Variants in FHDC1 observed in about 807,000 individuals in gnomAD.
FHDC1 encodes FH2 domain containing 1, also known as FH2 domain-containing protein 1.
A neutral mutation model predicts 52.6 loss-of-function variants in FHDC1; 25 were observed. The observed-to-expected ratio is 0.48, with a 90% CI of 0.35 to 0.66. FHDC1 has a LOEUF of 0.66. Ranked by LOEUF, FHDC1 falls within the 30% of genes least tolerant of loss-of-function variation. The pLI is 0.01. For synonymous variants in FHDC1, 616 were observed against 581.5 expected, an observed-to-expected ratio of 1.06 and a Z score of -0.85; for missense variants, 1,459 against 1,452.8, an observed-to-expected ratio of 1.00 and a Z score of -0.07.
the FHDC1 span, among the ~76,000 whole-genome samples, chr4:152,913,753 A>G: frequency 6.6e-6 from 1 of 152,098 alleles, no homozygotes; most frequent in Non-Finnish European, 1.5e-5. Flanking sequence ...ATCTTGGCTC[A>G]CTGCAACCTC....
At chr4:152,967,300 G>T (rs963376267) in intron 9 of FHDC1, among the ~76,000 whole-genome samples, 3 of 152,078 alleles carry the variant, frequency 2.0e-5, no homozygotes, top group Non-Finnish European at 4.4e-5. Flanking sequence ...GATGGCACAT[G>T]CCTATAATCC....
At chr4:152,934,425 A>C (rs1484407149), upstream of FHDC1, among the ~76,000 whole-genome samples, 2 of 152,198 alleles carry the variant, frequency 1.3e-5, no homozygotes, top group Non-Finnish European at 2.9e-5. Context: ...AGAGTCCCTG[A>C]CATTGAAGAG....
At chr4:152,930,023 G>T in the FHDC1 span, among the ~76,000 whole-genome samples, 1 of 152,194 alleles carries the variant, frequency 6.6e-6, no homozygotes, top group African/African-American at 2.4e-5. Context: ...CCTATGCTTA[G>T]CTGTGTGCTT....
chr4:152,928,164 T>C, the FHDC1 span: 2 of 816,774 alleles, frequency 2.4e-6, no homozygotes. Flanking sequence ...ACCGGAAAGA[T>C]TGTCTCCTTT....
rs1001093971 is a variant in FHDC1, at chr4:152,962,748, A to G, written c.851-66A>G. ...AGATACACTTGAACTTGGATGTGGTAGCTGTCTTTTGTGCATTTGAAACTG... is the reference window on the plus strand; with the variant it reads ...AGATACACTTGAACTTGGATGTGGTGGCTGTCTTTTGTGCATTTGAAACTG... On this transcript the variant is annotated intron_variant, in intron 6 of 11. Coordinates refer to ENST00000511601, the MANE Select transcript of FHDC1 (RefSeq NM_001371116.1). 7.5e-5 allele frequency: 98 copies of G among 1,306,644 alleles called. 1 individual carries two copies. In the South Asian group the frequency reaches 9.0e-4, roughly 12 times the overall value. 80.9% of individuals were successfully genotyped at this position (1,306,644 alleles called of 1,614,324 possible).
chr4:152,930,997 A>ACACACACACACACTCT, the FHDC1 span, among the ~76,000 whole-genome samples: 5 of 113,146 alleles, frequency 4.4e-5, no homozygotes, highest in African/African-American at 1.7e-4. Context: ...ACACACACAC[A>ACACACACACACACTCT]CTCTCTCTCT....
At chr4:152,969,967 AT>A (rs1232500416) in intron 10 of FHDC1, among the ~76,000 whole-genome samples, 6 of 152,178 alleles carry the variant, frequency 3.9e-5, no homozygotes, top group African/African-American at 1.4e-4. Flanking sequence ...CAACCCAGTC[AT>A]TTTTATCTCT....
At chr4:152,953,704 G>A in intron 3 of FHDC1, 144 bp downstream of exon 3, 6 of 714,780 alleles carry the variant, frequency 8.4e-6, no homozygotes, top group Non-Finnish European at 1.4e-5. Context: ...GCAAGTGACT[G>A]TCACTTTCTG....
At chr4:152,954,753 A>C (rs1445678538) in intron 4 of FHDC1, among the ~76,000 whole-genome samples, 4 of 152,192 alleles carry the variant, frequency 2.6e-5, no homozygotes, top group Admixed American at 2.6e-4. Flanking sequence ...TCCTACCCAG[A>C]GCCAGAGTTT....
chr4:152,975,476 A>G lies in FHDC1; in HGVS notation c.2185A>G (p.Arg729Gly). The stretch of plus-strand genomic sequence containing the variant: ...CAGCAGCAGCCTGACACCCATGGGC[A>G]GAGATGCCCTGGGGAGTCTCAGCCC... ...ASSSSLTPMG[R>G]DALGSLSPAL... Residue 729 changes from arginine to glycine, a missense_variant, in exon 12 of 12, where the codon AGA becomes GGA. Arg to Gly is a moderately radical substitution (Grantham distance 125, BLOSUM62 -2). Around this residue, in one of 3 missense-constraint regions of FHDC1, gnomAD observed 939 missense variants for 854.5 expected, o/e 1.10. Coordinates refer to ENST00000511601, the MANE Select transcript of FHDC1 (RefSeq NM_001371116.1). 6.2e-7 allele frequency: 1 copy of G among 1,613,368 alleles called. No homozygotes were observed. Among genetic ancestry groups the G allele is most frequent in the Non-Finnish European group, 8.5e-7 (1 of 1,179,972 alleles).
intron 2 of FHDC1, among the ~76,000 whole-genome samples, chr4:152,944,850 C>T (rs1450664571): frequency 6.6e-6 from 1 of 152,218 alleles, no homozygotes; most frequent in Non-Finnish European, 1.5e-5. Context: ...AGTATCCTTT[C>T]AATATTGGAA....
chr4:152,942,833 A>G (rs1260611239), intron 1 of FHDC1, 95 bp from the exon 2 acceptor site: 2 of 470,510 alleles, frequency 4.3e-6, no homozygotes, highest in African/African-American at 4.0e-5. Context: ...TTCATATCCA[A>G]CTCATATGGG....
At chr4:152,974,217 A>G (rs1416849484) in intron 11 of FHDC1, among the ~76,000 whole-genome samples, 1 of 152,220 alleles carries the variant, frequency 6.6e-6, no homozygotes, top group Non-Finnish European at 1.5e-5. Flanking sequence ...AAATACCCAC[A>G]GTATTTTTCT....
At chr4:152,955,675 A>G (rs2149947652) in intron 4 of FHDC1, among the ~76,000 whole-genome samples, 1 of 152,218 alleles carries the variant, frequency 6.6e-6, no homozygotes, top group South Asian at 2.1e-4. Context: ...ATGGGATTTC[A>G]CCATGTTGTT....
intron 6 of FHDC1, 65 bp from the exon 7 acceptor site, chr4:152,962,749 G>A: frequency 7.6e-7 from 1 of 1,320,706 alleles, no homozygotes; most frequent in Non-Finnish European, 1.1e-6. Context: ...GGATGTGGTA[G>A]CTGTCTTTTG....
At chr4:152,954,545 G>A (rs941044779) in intron 4 of FHDC1, among the ~76,000 whole-genome samples, 7 of 152,074 alleles carry the variant, frequency 4.6e-5, no homozygotes, top group South Asian at 2.1e-4. Flanking sequence ...AAATTAGCCC[G>A]GTGTGGTGGC....
chr4:152,949,109 T>TAAGAAGAAG (rs1478019320), intron 2 of FHDC1, among the ~76,000 whole-genome samples: 23 of 75,060 alleles, frequency 3.1e-4, no homozygotes, highest in East Asian at 2.5e-3. Context: ...ATAATAATAA[T>TAAGAAGAAG]AATAATAATA....
Position 152,963,131 on chromosome 4 carries a change from G to C in FHDC1, c.1029+1G>C. 1 of 1,613,220 alleles carries C rather than the reference G, an allele frequency of 6.2e-7. No homozygotes were observed. Among genetic ancestry groups the C allele is most frequent in the Non-Finnish European group, 8.5e-7 (1 of 1,179,464 alleles). ...GAATCTCCTGCACTTTGTTGCACAG[G>C]TATGTGGAAATGATTAGGACTTAGA... is the stretch of plus-strand genomic sequence containing the variant. On this transcript the variant is annotated splice_donor_variant, in intron 8 of 11. Transcript: ENST00000511601. LOFTEE classifies it high-confidence loss of function.
At chr4:152,961,223 C>G (rs899808464) in intron 6 of FHDC1, among the ~76,000 whole-genome samples, 1 of 84,288 alleles carries the variant, frequency 1.2e-5, no homozygotes, top group Non-Finnish European at 2.5e-5. Flanking sequence ...GCCCAGCTGC[C>G]TCTCTCCTCC....
Sources: gnomAD v4.1 joint callset for allele counts (sites outside exome capture counted in the v4.1 genomes callset) on GRCh38, gnomAD v4.1.1 for gene constraint, gnomAD v4.1.1 regional missense constraint, MANE v1.5 for transcripts, NCBI Gene and HGNC (gene_info 2026-07-23, HGNC 2026-07-21) for gene names.